NHSL1: variants seen among roughly 807,000 people sequenced by gnomAD.
The protein encoded by NHSL1 is NHS-like protein 1.
A neutral mutation model predicts 95.0 loss-of-function variants in NHSL1; 48 were observed. The observed-to-expected ratio is 0.51, with a 90% CI of 0.40 to 0.64. The LOEUF (loss-of-function observed/expected upper bound fraction) is 0.64. Among genes scored for constraint, NHSL1 ranks in the 30% least tolerant of loss-of-function variants. The pLI is 0.00. For missense variants in NHSL1, 1,971 were observed against 2,077.7 expected (o/e 0.95, Z 1.00); for synonymous variants, 783 against 833.9 (o/e 0.94, Z 1.05).
upstream of NHSL1, among the ~76,000 whole-genome samples, chr6:138,504,006 G>A (rs928981989): frequency 6.6e-6 from 1 of 152,024 alleles, no homozygotes; most frequent in African/African-American, 2.4e-5. Context: ...TGAGGCAGGA[G>A]GACTGCTTGA....
intron 1 of NHSL1, among the ~76,000 whole-genome samples, chr6:138,593,117 A>C (rs1784255210): frequency 6.6e-6 from 1 of 152,244 alleles, no homozygotes. Flanking sequence ...AATCAGTAGA[A>C]TTCAAAGACT....
intron 1 of NHSL1, among the ~76,000 whole-genome samples, chr6:138,589,655 T>C (rs1784195348): frequency 6.6e-6 from 1 of 152,190 alleles, no homozygotes; most frequent in Non-Finnish European, 1.5e-5. Flanking sequence ...CCTGTCCTGT[T>C]CATTCCACCT....
At chr6:138,457,541 A>T (rs1777696528) in intron 3 of NHSL1, among the ~76,000 whole-genome samples, 1 of 152,160 alleles carries the variant, frequency 6.6e-6, no homozygotes, top group Admixed American at 6.5e-5. Flanking sequence ...CACATAATGG[A>T]TTTTTAATAT....
At chr6:138,445,925 G>A (rs1471658793) in intron 4 of NHSL1, among the ~76,000 whole-genome samples, 2 of 152,030 alleles carry the variant, frequency 1.3e-5, no homozygotes, top group African/African-American at 4.8e-5. Context: ...TCAATTAATA[G>A]TTGAAGCTAT....
intron 1 of NHSL1, among the ~76,000 whole-genome samples, chr6:138,567,185 T>C (rs1306393480): frequency 6.6e-6 from 1 of 152,106 alleles, no homozygotes; most frequent in Non-Finnish European, 1.5e-5. Flanking sequence ...TGGAATGCAG[T>C]GGTGTGATCT....
At chr6:138,609,694 G>C (rs1297399513) in intron 1 of NHSL1, among the ~76,000 whole-genome samples, 1 of 140,770 alleles carries the variant, frequency 7.1e-6, no homozygotes. Flanking sequence ...AGCTTGCAGT[G>C]AGCCGAGATT....
At chr6:138,640,043 T>A (rs1462531277) in intron 1 of NHSL1, among the ~76,000 whole-genome samples, 1 of 152,078 alleles carries the variant, frequency 6.6e-6, no homozygotes, top group Admixed American at 6.6e-5. Flanking sequence ...CTTGGAACTT[T>A]TTGTGTTACA....
intron 1 of NHSL1, among the ~76,000 whole-genome samples, chr6:138,526,979 G>A (rs79255561): frequency 0.028 from 4,279 of 152,190 alleles, 81 homozygotes; most frequent in South Asian, 0.049. Context: ...CATTTATCCC[G>A]CTTCTTTGGG....
Position 138,692,555 on chromosome 6 carries a change from G to A in NHSL1, c.18C>T (p.His6=). ...GGCGGCGGTGCAGCGCGGCGGTGCG[G>A]TGGCCCAGCGCGGCCGCCTGGCCCT... The change falls in exon 1 of 4, where the codon CAC becomes CAT. Residue 6 remains histidine, a synonymous_variant. Transcript: ENST00000491526. This position sits in a 1 kb window ranked among gnomAD's most constrained non-coding sequence, Gnocchi z 4.0. 5.0e-6 allele frequency: 1 copy of A among 198,622 alleles called. No homozygotes were observed. 12.3% of individuals were successfully genotyped at this position (198,622 alleles called of 1,614,324 possible).
At chr6:138,666,889 C>T (rs1221243225) in intron 1 of NHSL1, among the ~76,000 whole-genome samples, 3 of 152,066 alleles carry the variant, frequency 2.0e-5, no homozygotes, top group African/African-American at 7.2e-5. Context: ...AATCATACCA[C>T]CAATAAGAGT....
At chr6:138,464,029 C>T in intron 3 of NHSL1, 1 of 362,898 alleles carries the variant, frequency 2.8e-6, no homozygotes, top group Non-Finnish European at 5.2e-6. Context: ...GGCATATTGG[C>T]AAGACTGAAT....
chr6:138,458,590 A>G (rs1363333034), intron 3 of NHSL1, among the ~76,000 whole-genome samples: 2 of 152,144 alleles, frequency 1.3e-5, no homozygotes, highest in Non-Finnish European at 2.9e-5. Flanking sequence ...GCACTTTGGG[A>G]GGCCAAGGAG....
At chr6:138,591,156 A>C (rs1784219875) in intron 1 of NHSL1, among the ~76,000 whole-genome samples, 1 of 152,238 alleles carries the variant, frequency 6.6e-6, no homozygotes, top group African/African-American at 2.4e-5. Flanking sequence ...TGCAGGATAT[A>C]ATCAGCAAAA....
At chr6:138,528,270 A>G (rs1781994239) in intron 1 of NHSL1, among the ~76,000 whole-genome samples, 1 of 152,152 alleles carries the variant, frequency 6.6e-6, no homozygotes, top group African/African-American at 2.4e-5. Flanking sequence ...GAAGCAAAGG[A>G]GAGCTGCAGA....
rs572978186 is a variant in NHSL1 at position 138,451,013 on chromosome 6, C to T, written c.340-3820G>A. ...CCCCTGCTCCTCCTCTTCCAATAGT[C>T]TACTCTCAATACAGCAGGCGAAGGA... On this transcript the variant is annotated intron_variant, in intron 3 of 7. Coordinates refer to ENST00000343505, the MANE Select transcript of NHSL1 (RefSeq NM_001144060.2). Among the ~76,000 whole-genome samples, 20 of 152,252 alleles carry T rather than the reference C, an allele frequency of 1.3e-4. 1 individual carries two copies. The South Asian group carries it at 3.9e-3, about 30-fold the overall frequency.
At chr6:138,645,492 G>A (rs1157318107) in intron 1 of NHSL1, among the ~76,000 whole-genome samples, 1 of 150,586 alleles carries the variant, frequency 6.6e-6, no homozygotes, top group Non-Finnish European at 1.5e-5. Flanking sequence ...TTTTGTTATT[G>A]TAGTGTTTTT....
intron 2 of NHSL1, among the ~76,000 whole-genome samples, chr6:138,489,644 C>A (rs2128276991): frequency 6.6e-6 from 1 of 151,140 alleles, no homozygotes; most frequent in East Asian, 2.0e-4. Flanking sequence ...TGCCTGTAGT[C>A]CCAGCTACTC....
intron 1 of NHSL1, among the ~76,000 whole-genome samples, chr6:138,551,361 G>A (rs1213095028): frequency 2.0e-5 from 3 of 152,166 alleles, no homozygotes; most frequent in Non-Finnish European, 4.4e-5. Flanking sequence ...TGAAGTTGGA[G>A]GAGACTGAAG....
chr6:138,466,044 G>GGGC (rs1334797953), intron 3 of NHSL1, among the ~76,000 whole-genome samples: 4 of 141,138 alleles, frequency 2.8e-5, no homozygotes, highest in Non-Finnish European at 4.6e-5. Context: ...TCCTTTTTGG[G>GGGC]GGGGGGGCAG....
Sources: allele counts gnomAD v4.1 joint callset (sites outside exome capture counted in the v4.1 genomes callset), GRCh38; gene constraint gnomAD v4.1.1; non-coding constraint Gnocchi (gnomAD v3.1); transcripts MANE v1.5; gene names NCBI Gene and HGNC (gene_info 2026-07-23, HGNC 2026-07-21).